Variants in SYN3 observed in about 807,000 individuals in gnomAD.
SYN3 encodes synapsin III.
In SYN3, 35 loss-of-function variants were observed where a neutral mutation model predicts 65.8. That is an observed-to-expected ratio of 0.53 (90% CI 0.41 to 0.70). The LOEUF is 0.70. Ranked by LOEUF, SYN3 falls within the 30% of genes least tolerant of loss-of-function variation. The probability of loss-of-function intolerance (pLI) is 0.00; values close to 1 mark genes in which losing one functional copy is unlikely to be tolerated. For synonymous variants in SYN3, 270 were observed against 292.9 expected (o/e 0.92, Z 0.80); for missense variants, 680 against 749.0 (o/e 0.91, Z 1.08).
intron 7 of SYN3, among the ~76,000 whole-genome samples, chr22:32,557,087 G>T (rs2058514357): frequency 6.6e-6 from 1 of 152,082 alleles, no homozygotes; most frequent in Non-Finnish European, 1.5e-5. Context: ...TACAAAGGTG[G>T]GTTAGTTAGT....
chr22:32,935,233 A>C (rs1046384392), intron 3 of SYN3, among the ~76,000 whole-genome samples: 9 of 151,900 alleles, frequency 5.9e-5, no homozygotes, highest in Non-Finnish European at 1.2e-4. Context: ...TATTCACTTC[A>C]CCAAAAACAT....
intron 6 of SYN3, among the ~76,000 whole-genome samples, chr22:32,690,842 G>C (rs2060652195): frequency 6.6e-6 from 1 of 152,166 alleles, no homozygotes; most frequent in African/African-American, 2.4e-5. Context: ...TGCCCACATG[G>C]GAAGCGAGGG....
chr22:32,699,743 G>A (rs757612640), intron 6 of SYN3, among the ~76,000 whole-genome samples: 1 of 152,088 alleles, frequency 6.6e-6, no homozygotes, highest in Non-Finnish European at 1.5e-5. Flanking sequence ...TCATCTACAG[G>A]GCCTCTCCTC....
intron 6 of SYN3, among the ~76,000 whole-genome samples, chr22:32,751,954 C>T (rs1373508767): frequency 2.0e-5 from 3 of 152,160 alleles, no homozygotes; most frequent in Non-Finnish European, 4.4e-5. Context: ...TGATCCTTCT[C>T]TGAGGAAAAA....
At chr22:32,527,830 C>T (rs530001253) in intron 12 of SYN3, 88 bp downstream of exon 12, 2 of 1,139,114 alleles carry the variant, frequency 1.8e-6, no homozygotes, top group East Asian at 2.6e-5. Context: ...TTTCCCAGAG[C>T]CCCTTGTGGG....
chr22:32,712,727 T>C (rs926204904), intron 6 of SYN3, among the ~76,000 whole-genome samples: 4 of 152,296 alleles, frequency 2.6e-5, no homozygotes, highest in Non-Finnish European at 4.4e-5. Context: ...CCTTTGCCCC[T>C]TTCTCACTCA....
intron 1 of SYN3, among the ~76,000 whole-genome samples, chr22:33,017,706 C>T (rs542548402): frequency 2.0e-5 from 3 of 149,956 alleles, no homozygotes; most frequent in Non-Finnish European, 3.0e-5. Context: ...CTGATTTTTG[C>T]GTGTTGATTT....
intron 4 of SYN3, among the ~76,000 whole-genome samples, chr22:32,907,018 T>C (rs1322963452): frequency 6.6e-6 from 1 of 152,230 alleles, no homozygotes; most frequent in Non-Finnish European, 1.5e-5. Context: ...TTTGGGTGTA[T>C]ACTCAATAGT....
intron 6 of SYN3, among the ~76,000 whole-genome samples, chr22:32,654,315 T>A (rs1478925247): frequency 6.6e-6 from 1 of 152,206 alleles, no homozygotes; most frequent in Non-Finnish European, 1.5e-5. Context: ...TCCAGCCTGC[T>A]CACTCTGCCA....
At chr22:32,798,269 C>T (rs1354548270) in intron 6 of SYN3, among the ~76,000 whole-genome samples, 1 of 152,072 alleles carries the variant, frequency 6.6e-6, no homozygotes, top group Non-Finnish European at 1.5e-5. Context: ...TCAAACGAAT[C>T]TGTCTACAGA....
At chr22:32,904,802 C>T (rs1216265783) in intron 4 of SYN3, among the ~76,000 whole-genome samples, 2 of 152,124 alleles carry the variant, frequency 1.3e-5, no homozygotes, top group African/African-American at 4.8e-5. Context: ...CTGGGCTAGC[C>T]ACAGCTCTGG....
intron 6 of SYN3, among the ~76,000 whole-genome samples, chr22:32,640,815 G>A (rs936657071): frequency 1.3e-5 from 2 of 152,154 alleles, no homozygotes; most frequent in Non-Finnish European, 2.9e-5. Context: ...TGCAGTGAGC[G>A]GAGATCGTGT....
intron 7 of SYN3, among the ~76,000 whole-genome samples, chr22:32,566,760 C>T (rs2058676978): frequency 6.6e-6 from 1 of 152,092 alleles, no homozygotes; most frequent in Non-Finnish European, 1.5e-5. Flanking sequence ...TACAAGGGCT[C>T]AGCAAAGACT....
chr22:32,726,151 A>AT (rs57175071), intron 6 of SYN3, among the ~76,000 whole-genome samples: 96,087 of 150,036 alleles, frequency 0.64, 32,289 homozygotes, highest in African/African-American at 0.82. Flanking sequence ...ATAGATTTTT[A>AT]TTTTTTTTTT....
At chr22:32,729,959 C>T (rs954484952) in intron 6 of SYN3, among the ~76,000 whole-genome samples, 10 of 152,118 alleles carry the variant, frequency 6.6e-5, no homozygotes, top group African/African-American at 1.9e-4. Context: ...CATAGGCAGT[C>T]GTTCATAGAT....
intron 3 of SYN3, among the ~76,000 whole-genome samples, chr22:32,978,134 G>A (rs987917869): frequency 3.9e-5 from 6 of 152,214 alleles, no homozygotes; most frequent in Non-Finnish European, 8.8e-5. Flanking sequence ...AGAATACATT[G>A]GAGATGGGTG....
intron 6 of SYN3, among the ~76,000 whole-genome samples, chr22:32,729,059 G>A (rs2061235919): frequency 1.3e-5 from 2 of 152,188 alleles, no homozygotes; most frequent in African/African-American, 4.8e-5. Flanking sequence ...CAGCCAGACA[G>A]TTTTATTTAT....
At chr22:32,545,460 C>G (rs989936227) in intron 7 of SYN3, among the ~76,000 whole-genome samples, 1 of 152,180 alleles carries the variant, frequency 6.6e-6, no homozygotes, top group East Asian at 1.9e-4. Context: ...GGCAGGCGCC[C>G]TCTGGGAACC....
Position 32,585,923 on chromosome 22 carries a change from TGTATATA to T in SYN3, c.774+10744_774+10750del, listed in dbSNP as rs1569064858. On this transcript the variant is annotated intron_variant, in intron 7 of 13. Transcript: ENST00000358763. The stretch of plus-strand genomic sequence containing the variant: ...ATATATGTGTATGTATACATATATG[TGTATATA>T]CGTATATGTGTATGTATACATATAT... Among the ~76,000 whole-genome samples, 154 of 62,460 alleles carry T rather than the reference TGTATATA, an allele frequency of 2.5e-3. 1 individual carries two copies. Among genetic ancestry groups the T allele is most frequent in the East Asian group, 8.2e-3 (6 of 736 alleles). 41.0% of individuals were successfully genotyped at this position (62,460 alleles called of 152,430 possible). A position where few individuals can be genotyped will look rare whatever the true frequency, so the allele number is the denominator to read the frequency against.
Sources: gnomAD v4.1 joint callset for allele counts (sites outside exome capture counted in the v4.1 genomes callset) on GRCh38, gnomAD v4.1.1 for gene constraint, MANE v1.5 for transcripts, NCBI Gene and HGNC (gene_info 2026-07-23, HGNC 2026-07-21) for gene names.